Variants in FAF1 observed in about 807,000 individuals in gnomAD.
FAF1 encodes Fas associated factor 1.
A neutral mutation model predicts 92.5 loss-of-function variants in FAF1; 25 were observed. The ratio of observed to expected loss-of-function variants is 0.27; its 90% CI spans 0.20 to 0.38. The LOEUF is 0.38. Ranked by LOEUF, FAF1 falls within the 10% of genes least tolerant of loss-of-function variation. The pLI, the probability that FAF1 is intolerant of heterozygous loss-of-function variation, is 1.00. For synonymous variants in FAF1, 234 were observed against 273.2 expected, an observed-to-expected ratio of 0.86 and a Z score of 1.42; for missense variants, 636 against 793.3, an observed-to-expected ratio of 0.80 and a Z score of 2.38.
At chr1:50,681,180 A>C (rs1263008578) in intron 7 of FAF1, among the ~76,000 whole-genome samples, 1 of 151,976 alleles carries the variant, frequency 6.6e-6, no homozygotes, top group African/African-American at 2.4e-5. Flanking sequence ...CCAAGTAGCT[A>C]GGATTACAGG....
rs541673583 is a variant in FAF1 at position 50,871,171 on chromosome 1, A to G, written c.46-13174T>C. Among the ~76,000 whole-genome samples the G allele has an allele frequency of 5.3e-5, 8 of 152,350 alleles. No homozygotes were observed. In the South Asian group the frequency reaches 1.4e-3, roughly 28 times the overall value. ...TTCTACGACACAGGTGAGGACACGC[A>G]GAAGAAAAGTTTGAAGCTTGCAGAG... is the stretch of plus-strand genomic sequence containing the variant. On this transcript the variant is annotated intron_variant, in intron 1 of 18. Transcript: ENST00000396153.
At chr1:50,953,779 T>C (rs1459311185) in intron 1 of FAF1, among the ~76,000 whole-genome samples, 1 of 151,736 alleles carries the variant, frequency 6.6e-6, no homozygotes, top group Non-Finnish European at 1.5e-5. Context: ...CATCAAGCAA[T>C]TTAGGCAGCA....
intron 2 of FAF1, among the ~76,000 whole-genome samples, chr1:50,833,003 T>A (rs1038122031): frequency 6.6e-6 from 1 of 152,180 alleles, no homozygotes; most frequent in African/African-American, 2.4e-5. Flanking sequence ...CACTCTACCA[T>A]GCTGTTATGG....
chr1:50,920,821 A>C (rs1480154841), intron 1 of FAF1, among the ~76,000 whole-genome samples: 1 of 152,212 alleles, frequency 6.6e-6, no homozygotes, highest in Non-Finnish European at 1.5e-5. Flanking sequence ...TAATAGTGAA[A>C]GACTGAATAT....
intron 9 of FAF1, among the ~76,000 whole-genome samples, chr1:50,594,585 C>T (rs1177740616): frequency 3.6e-5 from 4 of 111,722 alleles, no homozygotes; most frequent in East Asian, 6.1e-4. Context: ...TTGGGCCAGG[C>T]GTGGTGGCTC....
intron 1 of FAF1, among the ~76,000 whole-genome samples, chr1:50,900,740 G>A (rs191083458): frequency 9.9e-5 from 15 of 152,010 alleles, no homozygotes; most frequent in Admixed American, 9.2e-4. Flanking sequence ...AATATAAATC[G>A]TCATTTTTTA....
At chr1:50,542,276 G>T (rs1053748982) in intron 13 of FAF1, among the ~76,000 whole-genome samples, 29 of 152,184 alleles carry the variant, frequency 1.9e-4, no homozygotes, top group African/African-American at 6.5e-4. Flanking sequence ...GTATGAAATT[G>T]TAAAAATTCC....
intron 15 of FAF1, among the ~76,000 whole-genome samples, chr1:50,534,806 T>C (rs995736842): frequency 6.6e-6 from 1 of 152,188 alleles, no homozygotes; most frequent in Non-Finnish European, 1.5e-5. Context: ...CGATAATGTT[T>C]TTATTATTAT....
chr1:50,959,586 G>A, intron 1 of FAF1, 181 bp downstream of exon 1: 2 of 435,634 alleles, frequency 4.6e-6, no homozygotes, highest in Non-Finnish European at 4.3e-6. Context: ...ACACACTCAT[G>A]ATAGCATATA....
chr1:50,467,037 C>T (rs1408934950), intron 18 of FAF1, among the ~76,000 whole-genome samples: 1 of 152,154 alleles, frequency 6.6e-6, no homozygotes, highest in Admixed American at 6.5e-5. Context: ...TTTTGCTTGA[C>T]TATTCTTTGG....
chr1:50,687,744 G>GAA (rs79059619), intron 7 of FAF1, among the ~76,000 whole-genome samples: 5 of 126,936 alleles, frequency 3.9e-5, no homozygotes, highest in Non-Finnish European at 6.8e-5. Context: ...CCATTTCAAA[G>GAA]AAAAAAAAAA....
chr1:50,942,013 T>C (rs1645137468), intron 1 of FAF1, among the ~76,000 whole-genome samples: 1 of 152,216 alleles, frequency 6.6e-6, no homozygotes. Flanking sequence ...ACATTTTACT[T>C]TGTAGTCGAA....
At chr1:50,926,438 G>A (rs1458900779) in intron 1 of FAF1, among the ~76,000 whole-genome samples, 1 of 152,144 alleles carries the variant, frequency 6.6e-6, no homozygotes, top group African/African-American at 2.4e-5. Context: ...GGCAGTGAGA[G>A]GGAGAATGGG....
At chr1:50,957,989 A>G (rs1369782725) in intron 1 of FAF1, among the ~76,000 whole-genome samples, 3 of 152,204 alleles carry the variant, frequency 2.0e-5, no homozygotes, top group Non-Finnish European at 2.9e-5. Context: ...CAAAACAAAA[A>G]GACGATGATG....
intron 18 of FAF1, among the ~76,000 whole-genome samples, chr1:50,469,030 TAG>T (rs1646536251): frequency 6.6e-6 from 1 of 152,256 alleles, no homozygotes; most frequent in African/African-American, 2.4e-5. Context: ...TGTGTCAGAT[TAG>T]AGTTTCATAT....
intron 4 of FAF1, among the ~76,000 whole-genome samples, chr1:50,774,770 A>G (rs528452789): frequency 6.6e-6 from 1 of 152,262 alleles, no homozygotes; most frequent in South Asian, 2.1e-4. Flanking sequence ...ACAATATACA[A>G]TAATCCCTAC....
In FAF1 at chr1:50,792,991, T is replaced by C. The variant is rs12077045; in HGVS notation, c.162-4786A>G. On this transcript the variant is annotated intron_variant, in intron 3 of 18. Coordinates refer to ENST00000396153, the MANE Select transcript of FAF1 (RefSeq NM_007051.3). ...GAGCATGGGTTTTTTTGTTTGTTTT[T>C]GTTTGTTTTCTTTTTTTTTATGGCG... 9.9e-3 allele frequency among the ~76,000 whole-genome samples: 1,506 copies of C among 152,314 alleles called. 23 individuals are homozygous for C. Among genetic ancestry groups the C allele is most frequent in the African/African-American group, 0.034 (1,428 of 41,552 alleles).
intron 8 of FAF1, among the ~76,000 whole-genome samples, chr1:50,618,775 G>A (rs1216019443): frequency 6.7e-6 from 1 of 148,648 alleles, no homozygotes; most frequent in Non-Finnish European, 1.5e-5. Context: ...TTGAGACAGA[G>A]TCTCACTCTG....
Position 50,440,002 on chromosome 1 carries a change from T to C in FAF1, c.*1438A>G, listed in dbSNP as rs763624186. On this transcript the variant is annotated 3_prime_UTR_variant, in exon 19 of 19. Transcript: ENST00000396153. ...AATTTTCCTGGCCAACATCCACTTC[T>C]GGGCAGAAGGAAAATGAGCAGACCT... 9.9e-5 allele frequency: 15 copies of C among 152,238 alleles called. No homozygotes were observed. Among genetic ancestry groups the C allele is most frequent in the Non-Finnish European group, 1.9e-4 (13 of 68,060 alleles). 9.4% of individuals were successfully genotyped at this position (152,238 alleles called of 1,614,324 possible). A position where few individuals can be genotyped will look rare whatever the true frequency, so the allele number is the denominator to read the frequency against.
Sources: gnomAD v4.1 joint callset for allele counts (sites outside exome capture counted in the v4.1 genomes callset) on GRCh38, gnomAD v4.1.1 for gene constraint, MANE v1.5 for transcripts, NCBI Gene and HGNC (gene_info 2026-07-23, HGNC 2026-07-21) for gene names.